The following SPOP variants were observed in gnomAD, a reference collection of about 807,000 sequenced individuals.
The protein encoded by SPOP is speckle-type POZ protein.
A neutral mutation model predicts 45.6 loss-of-function variants in SPOP; 11 were observed. The observed-to-expected ratio is 0.24, with a 90% CI of 0.15 to 0.40. SPOP has a LOEUF of 0.40. Ranked by LOEUF, SPOP falls within the 10% of genes least tolerant of loss-of-function variation. The pLI is 1.00. For missense variants in SPOP, 152 were observed against 465.6 expected (o/e 0.33, Z 6.20); for synonymous variants, 166 against 166.3 (o/e 1.00, Z 0.01).
Position 49,668,358 on chromosome 17 carries a change from A to C in SPOP, c.-67+9575T>G, listed in dbSNP as rs187648882. On this transcript the variant is annotated intron_variant, in intron 1 of 9. Coordinates refer to ENST00000504102, the MANE Select transcript of SPOP (RefSeq NM_001007228.2). ...CAGCATATTCATACAACCAAATACT[A>C]AACAGCAGTTAAAATGAACTCAAGT... Among the ~76,000 whole-genome samples, 3 of 152,346 alleles carry C rather than the reference A, an allele frequency of 2.0e-5. No homozygotes were observed. In the East Asian group the frequency reaches 5.8e-4, roughly 29 times the overall value.
At chr17:49,642,618 AG>A (rs1160498430) in intron 1 of SPOP, among the ~76,000 whole-genome samples, 1 of 152,242 alleles carries the variant, frequency 6.6e-6, no homozygotes, top group Non-Finnish European at 1.5e-5. Context: ...TTTTTTACTT[AG>A]GAACTAAAAA....
rs1236595064 is a variant in SPOP, at chr17:49,622,847, G to A, written c.-37C>T. On this transcript the variant is annotated 5_prime_UTR_variant, in exon 2 of 10. Coordinates refer to ENST00000504102, the MANE Select transcript of SPOP (RefSeq NM_001007228.2). The stretch of plus-strand genomic sequence containing the variant: ...AGGTTAAACGAGATTTCCAAAGTCA[G>A]GGGGCAAAGATTTCTGTTCCCTCTT... The A allele has an allele frequency of 2.6e-6, 4 of 1,566,600 alleles. No individual in the cohort carries two copies. The highest frequency in any genetic ancestry group is 2.7e-5 in the African/African-American group (2 of 73,904).
chr17:49,626,600 C>A (rs1176306490), intron 1 of SPOP, among the ~76,000 whole-genome samples: 1 of 151,694 alleles, frequency 6.6e-6, no homozygotes, highest in African/African-American at 2.4e-5. Context: ...GAGGTTGAGA[C>A]AGAGAGTAGC....
chr17:49,647,884 T>C (rs1371589072), intron 1 of SPOP, among the ~76,000 whole-genome samples: 1 of 152,182 alleles, frequency 6.6e-6, no homozygotes, highest in Non-Finnish European at 1.5e-5. Flanking sequence ...CCAGAGTAAT[T>C]TTTCTAGTCT....
At chr17:49,635,004 T>C (rs1056828962) in intron 1 of SPOP, among the ~76,000 whole-genome samples, 6 of 152,222 alleles carry the variant, frequency 3.9e-5, no homozygotes, top group African/African-American at 1.4e-4. Context: ...GAAAGGCACC[T>C]AGACCTCCTT....
At chr17:49,605,804 ATG>A (rs1371177374) in intron 8 of SPOP, among the ~76,000 whole-genome samples, 1 of 152,074 alleles carries the variant, frequency 6.6e-6, no homozygotes, top group African/African-American at 2.4e-5. Flanking sequence ...CCTGACCAAC[ATG>A]GCGAAACCCC....
At chr17:49,628,765 C>T (rs191135534) in intron 1 of SPOP, among the ~76,000 whole-genome samples, 94 of 152,298 alleles carry the variant, frequency 6.2e-4, no homozygotes, top group African/African-American at 2.0e-3. Flanking sequence ...GTAATGCTGT[C>T]GTGATGCACA....
intron 1 of SPOP, among the ~76,000 whole-genome samples, chr17:49,657,791 C>T (rs1032363475): frequency 6.7e-6 from 1 of 149,802 alleles, no homozygotes; most frequent in Admixed American, 6.7e-5. Context: ...ACTTCCACCT[C>T]CCCGGGTTCA....
intron 1 of SPOP, among the ~76,000 whole-genome samples, chr17:49,638,360 G>A (rs947082977): frequency 1.3e-5 from 2 of 152,194 alleles, no homozygotes; most frequent in Admixed American, 6.5e-5. Context: ...GGAGGCCGAG[G>A]CAGGCGGATC....
intron 1 of SPOP, among the ~76,000 whole-genome samples, chr17:49,625,929 A>T (rs181380904): frequency 6.6e-6 from 1 of 152,342 alleles, no homozygotes; most frequent in Non-Finnish European, 1.5e-5. Flanking sequence ...AAATATGATA[A>T]TACAAATATC....
At chr17:49,661,039 A>C (rs2072980718) in intron 1 of SPOP, among the ~76,000 whole-genome samples, 2 of 152,192 alleles carry the variant, frequency 1.3e-5, no homozygotes, top group African/African-American at 4.8e-5. Flanking sequence ...AGCTTGCTGA[A>C]GTTCCTTTTC....
intron 1 of SPOP, among the ~76,000 whole-genome samples, chr17:49,639,307 T>C (rs2072602759): frequency 6.6e-6 from 1 of 152,078 alleles, no homozygotes; most frequent in South Asian, 2.1e-4. Flanking sequence ...AGGGAGACTA[T>C]CATACTGTTG....
chr17:49,605,274 A>G (rs1301480476), intron 8 of SPOP, among the ~76,000 whole-genome samples: 1 of 152,248 alleles, frequency 6.6e-6, no homozygotes, highest in African/African-American at 2.4e-5. Flanking sequence ...CTAAGGTAAA[A>G]GTTGAAAATG....
chr17:49,621,845 C>A, intron 3 of SPOP, 101 bp downstream of exon 3: 2 of 1,327,838 alleles, frequency 1.5e-6, no homozygotes, highest in Non-Finnish European at 2.1e-6. Flanking sequence ...AAACAAAAGT[C>A]CTGGCCTTCA....
intron 6 of SPOP, among the ~76,000 whole-genome samples, chr17:49,609,023 C>T (rs1223005036): frequency 6.6e-6 from 1 of 152,078 alleles, no homozygotes; most frequent in East Asian, 1.9e-4. Flanking sequence ...ATTCTCCTGC[C>T]TCAGCCTCCC....
In SPOP at chr17:49,653,659, G is replaced by C. The variant is rs563024883; in HGVS notation, c.-67+24274C>G. On this transcript the variant is annotated intron_variant, in intron 1 of 9. Transcript: ENST00000504102. ...TGTACTTCCAATGTGACTCCCACTT[G>C]AGCATCTACCCTCTTTGATACATTC... 2.0e-4 allele frequency among the ~76,000 whole-genome samples: 30 copies of C among 151,794 alleles called. No homozygotes were observed. The South Asian group carries it at 6.2e-3, about 32-fold the overall frequency.
intron 1 of SPOP, among the ~76,000 whole-genome samples, chr17:49,634,015 T>TA (rs2072498714): frequency 6.8e-6 from 1 of 147,702 alleles, no homozygotes; most frequent in Non-Finnish European, 1.5e-5. Context: ...CTCCAGCTGC[T>TA]TAAAAAAAAA....
chr17:49,671,814 T>C (rs575788191), intron 1 of SPOP, among the ~76,000 whole-genome samples: 1 of 152,270 alleles, frequency 6.6e-6, no homozygotes, highest in South Asian at 2.1e-4. Flanking sequence ...GAGGCCAGCC[T>C]GGCCAATATG....
chr17:49,617,972 C>T (rs1046423436), intron 5 of SPOP, among the ~76,000 whole-genome samples: 25 of 151,758 alleles, frequency 1.6e-4, no homozygotes, highest in African/African-American at 5.8e-4. Context: ...AGCCTGCTAC[C>T]GACCGCTAGG....
Sources: allele counts gnomAD v4.1 joint callset (sites outside exome capture counted in the v4.1 genomes callset), GRCh38; gene constraint gnomAD v4.1.1; transcripts MANE v1.5; gene names NCBI Gene and HGNC (gene_info 2026-07-23, HGNC 2026-07-21).